Variants in STAB1 observed in about 807,000 individuals in gnomAD.
The protein encoded by STAB1 is stabilin 1.
Under a neutral mutation model 332.4 loss-of-function variants are expected in STAB1, and 250 were observed. That is an observed-to-expected ratio of 0.75 (90% CI 0.68 to 0.84). The LOEUF (loss-of-function observed/expected upper bound fraction) is 0.84, where lower values mean the gene tolerates loss of function less well. Ranked by LOEUF, STAB1 falls within the 40% of genes least tolerant of loss-of-function variation. The probability of loss-of-function intolerance (pLI) is 0.00; values close to 1 mark genes in which losing one functional copy is unlikely to be tolerated. For missense variants in STAB1, 3,249 were observed against 3,489.7 expected (o/e 0.93, Z 1.74); for synonymous variants, 1,475 against 1,390.4 (o/e 1.06, Z -1.35).
At chr3:52,498,605 T>C (rs558667040) in intron 1 of STAB1, among the ~76,000 whole-genome samples, 2 of 152,360 alleles carry the variant, frequency 1.3e-5, no homozygotes, top group Admixed American at 1.3e-4. Context: ...CATCGCTCCA[T>C]CTAGCCCTGA....
In STAB1 at chr3:52,518,934, CCAG is replaced by C; in HGVS notation, c.5034+66_5034+68del. On this transcript the variant is annotated intron_variant, in intron 48 of 68. Coordinates refer to ENST00000321725, the MANE Select transcript of STAB1 (RefSeq NM_015136.3). The stretch of plus-strand genomic sequence containing the variant: ...CGCCCCGCCCCTGCGCGCCATTGCC[CCAG>C]GCCCCACGGCCCACGCAGTCAAGAA... 9 of 1,444,716 alleles carry C rather than the reference CCAG, an allele frequency of 6.2e-6. No homozygotes were observed. In the African/African-American group the frequency reaches 8.6e-5, roughly 14 times the overall value. The allele number at this position is 1,444,716 out of a possible 1,614,324, so 89.5% of individuals were successfully genotyped here.
chr3:52,518,840 G>A lies in STAB1; in HGVS notation c.5005G>A (p.Gly1669Arg). 2 of 1,606,544 alleles carry A rather than the reference G, an allele frequency of 1.2e-6. No individual in the cohort carries two copies. The highest frequency in any genetic ancestry group is 8.5e-7 in the Non-Finnish European group (1 of 1,178,710). ...LEQGYATALS[G>R]HPLRFSEREG... ...GCAGGGGTACGCCACGGCCCTCTCA[G>A]GGCACCCACTGCGCTTCAGCGAGAG... Residue 1669 changes from glycine (G) to arginine (R), a missense_variant, in exon 48 of 69, where the codon GGG becomes AGG. Gly to Arg is a moderately radical substitution (Grantham distance 125). Transcript: ENST00000321725.
chr3:52,505,825 G>C (rs775504894), intron 15 of STAB1, 44 bp downstream of exon 15: 12 of 1,613,770 alleles, frequency 7.4e-6, no homozygotes, highest in Non-Finnish European at 1.0e-5. Flanking sequence ...GGGGCACCAG[G>C]ACCTCCACGC....
rs745811975 is a variant in STAB1, at chr3:52,520,472, TATGGCATCGACCAGCTGCTGGA to T, written c.5573_5594del (p.Tyr1858CysfsTer19). 3.1e-6 allele frequency: 5 copies of T among 1,612,660 alleles called. No homozygotes were observed. The Admixed American group carries it at 8.3e-5, about 27-fold the overall frequency. ...CTTGCCCTTTGAGGGTGGCCTGGCC[TATGGCATCGACCAGCTGCTGGA>T]GCCACCTGGCCTTGGTGCTCGCTGT... On this transcript the variant is annotated frameshift_variant, in exon 53 of 69. Coordinates refer to ENST00000321725, the MANE Select transcript of STAB1 (RefSeq NM_015136.3). LOFTEE classifies it high-confidence loss of function.
rs750814301 is a variant in STAB1 at position 52,523,932 on chromosome 3, C to T, written c.7457C>T (p.Ala2486Val). Residue 2486 changes from alanine to valine, a missense_variant, in exon 67 of 69, where the codon GCT becomes GTT. Ala to Val is a moderately conservative substitution (Grantham distance 64). Coordinates refer to ENST00000321725, the MANE Select transcript of STAB1 (RefSeq NM_015136.3). Reference protein sequence around the residue: ...VAAGVGAVLAAGALLGLVAGA... With the variant: ...VAAGVGAVLAVGALLGLVAGA... ...GCAGGCGTGGGGGCTGTGCTTGCCG[C>T]TGGAGCACTGCTTGGCTTGGTGGCC... The T allele has an allele frequency of 6.8e-6, 11 of 1,610,208 alleles. No individual in the cohort carries two copies. The highest frequency in any genetic ancestry group is 9.3e-6 in the Non-Finnish European group (11 of 1,179,936).
Position 52,517,990 on chromosome 3 carries a change from C to T in STAB1, c.4748C>T (p.Ala1583Val). Residue 1583 changes from alanine (A) to valine (V), a missense_variant, in exon 45 of 69, where the codon GCC (alanine) becomes GTC (valine). Physicochemically the swap from Ala to Val is moderately conservative, Grantham distance 64. Coordinates refer to ENST00000321725, the MANE Select transcript of STAB1 (RefSeq NM_015136.3). ...HTVGDGLTCR[A>V]RVGLELLRDK... is the part of the protein sequence containing the mutation. The stretch of plus-strand genomic sequence containing the variant: ...GTGGGGGACGGCCTCACCTGCCGTG[C>T]CCGAGTCGGCCTGGTAATGATGCCC... The T allele has an allele frequency of 6.2e-7, 1 of 1,604,202 alleles. No individual in the cohort carries two copies. Among genetic ancestry groups the T allele is most frequent in the Non-Finnish European group, 8.5e-7 (1 of 1,177,102 alleles).
rs1252729671 is a variant in STAB1, at chr3:52,521,391, G to A, written c.5939G>A (p.Ser1980Asn). 3.1e-6 allele frequency: 5 copies of A among 1,613,918 alleles called. No homozygotes were observed. Among genetic ancestry groups the A allele is most frequent in the Non-Finnish European group, 4.2e-6 (5 of 1,180,030 alleles). Residue 1980 changes from serine to asparagine, a missense_variant, in exon 56 of 69, where the codon AGT (serine) becomes AAT (asparagine). Coordinates refer to ENST00000321725, the MANE Select transcript of STAB1 (RefSeq NM_015136.3). ...CCTGGCGGCCCCAGCAGCCCTTGTAGTGACCGTGGCGTGTGCATGGACGGC... is the reference window on the plus strand; with the variant it reads ...CCTGGCGGCCCCAGCAGCCCTTGTAATGACCGTGGCGTGTGCATGGACGGC... ...ACPGGPSSPCSDRGVCMDGMS... is the reference protein window; with the variant it reads ...ACPGGPSSPCNDRGVCMDGMS...
In STAB1 at chr3:52,501,285, G is replaced by C. The variant is rs757272133; in HGVS notation, c.198G>C (p.Gln66His). ...PSGWLRELPD[Q>H]ITQDCRYEVQ... is the part of the protein sequence containing the mutation. ...GCTGGCTGCGGGAGCTCCCGGATCAGATAACCCAGGACTGCCGGTGCGGGC... is the reference window on the plus strand; with the variant it reads ...GCTGGCTGCGGGAGCTCCCGGATCACATAACCCAGGACTGCCGGTGCGGGC... The change falls in exon 2 of 69, where the codon CAG becomes CAC. Residue 66 changes from glutamine to histidine, a missense_variant. By Grantham distance (24) the Gln-to-His change is conservative. Coordinates refer to ENST00000321725, the MANE Select transcript of STAB1 (RefSeq NM_015136.3). 1 of 1,613,388 alleles carries C rather than the reference G, an allele frequency of 6.2e-7. No individual in the cohort carries two copies. Among genetic ancestry groups the C allele is most frequent in the Non-Finnish European group, 8.5e-7 (1 of 1,179,996 alleles).
chr3:52,511,629 G>A lies in STAB1; in HGVS notation c.2788-21G>A, dbSNP rs750014051. The A allele has an allele frequency of 5.1e-5, 81 of 1,595,850 alleles. No homozygotes were observed. In the Middle Eastern group the frequency reaches 6.6e-4, roughly 13 times the overall value. On this transcript the variant is annotated intron_variant, in intron 25 of 68. Transcript: ENST00000321725. ...TGGATGCTCATCATGAGACAAGGCC[G>A]TCTGTTCCTAACCTTTCCAGAGCCG... is the stretch of plus-strand genomic sequence containing the variant.
chr3:52,502,648 C>T lies in STAB1; in HGVS notation c.504C>T (p.His168=), dbSNP rs140965743. ...PDCQSVCSCV[H]GVCNHGPRGD... ...CCCTCCCAGTGTGCAGCTGTGTGCA[C>T]GGAGTGTGCAACCATGGGCCACGTG... The change falls in exon 6 of 69, where the codon CAC becomes CAT. Residue 168 remains histidine (H), a synonymous_variant. Coordinates refer to ENST00000321725, the MANE Select transcript of STAB1 (RefSeq NM_015136.3). The T allele has an allele frequency of 6.3e-3, 10,169 of 1,613,310 alleles. 74 individuals are homozygous for T. Among genetic ancestry groups the T allele is most frequent in the South Asian group, 0.025 (2,244 of 91,076 alleles).
At position 52,495,404 on chromosome 3, in the gene STAB1, C is replaced by T. The variant is rs1252436154; in HGVS notation, c.-10C>T. On this transcript the variant is annotated 5_prime_UTR_variant, in exon 1 of 69. Coordinates refer to ENST00000321725, the MANE Select transcript of STAB1 (RefSeq NM_015136.3). ...CCCCGACTCTGTCCTGGACAGCGTG[C>T]CCACCAGCCATGGCGGGGCCCCGGG... 2.2e-6 allele frequency: 3 copies of T among 1,337,478 alleles called. No homozygotes were observed. In the East Asian group the frequency reaches 8.4e-5, roughly 37 times the overall value. The allele number at this position is 1,337,478 out of a possible 1,614,324, so 82.9% of individuals were successfully genotyped here.
rs191511152 is a variant in STAB1, at chr3:52,520,187, T to C, written c.5413-17T>C. The C allele has an allele frequency of 6.2e-7, 1 of 1,613,152 alleles. No individual in the cohort carries two copies. Among genetic ancestry groups the C allele is most frequent in the Non-Finnish European group, 8.5e-7 (1 of 1,180,000 alleles). The stretch of plus-strand genomic sequence containing the variant: ...CAGCCTGCCTTTCCACCTCCAACCA[T>C]GACTCCACTTGCTCAGGCCTTGGCA... On this transcript the variant is annotated splice_polypyrimidine_tract_variant and intron_variant, in intron 51 of 68. Transcript: ENST00000321725.
rs142107813 is a variant in STAB1 at position 52,504,549 on chromosome 3, T to C, written c.1239T>C (p.Asn413=). The change falls in exon 11 of 69, where the codon AAT becomes AAC. Residue 413 remains asparagine, a splice_region_variant and synonymous_variant. Transcript: ENST00000321725. The stretch of plus-strand genomic sequence containing the variant: ...CCTCCTTCTCCTCCAGGACCATGAA[T>C]GTAAGCCCCTCCCCATGGTGGAGCT... ...SVSSFSSRTM[N]ASLAQQLCRQ... is the part of the protein sequence containing the mutation. The C allele has an allele frequency of 5.0e-6, 8 of 1,613,962 alleles. No individual in the cohort carries two copies. In the African/African-American group the frequency reaches 8.0e-5, roughly 16 times the overall value.
intron 1 of STAB1, 122 bp from the exon 2 acceptor site, chr3:52,501,044 T>C (rs1708406584): frequency 7.1e-7 from 1 of 1,401,038 alleles, no homozygotes; most frequent in African/African-American, 1.4e-5. Flanking sequence ...CTCTGCTTAC[T>C]CTGACCCCTG....
At chr3:52,515,611 G>A in intron 37 of STAB1, 105 bp downstream of exon 37, 1 of 1,235,786 alleles carries the variant, frequency 8.1e-7, no homozygotes, top group Non-Finnish European at 1.2e-6. Context: ...CAGAGACTGG[G>A]CTGGGACTAG....
intron 1 of STAB1, among the ~76,000 whole-genome samples, chr3:52,498,875 C>T (rs1708234565): frequency 6.6e-6 from 1 of 152,350 alleles, no homozygotes; most frequent in South Asian, 2.1e-4. Flanking sequence ...GGGAACGAGA[C>T]CACAACATCC....
Position 52,505,676 on chromosome 3 carries a change from G to A in STAB1, c.1590G>A (p.Gly530=), listed in dbSNP as rs766219336. 1.2e-6 allele frequency: 2 copies of A among 1,613,438 alleles called. No homozygotes were observed. The highest frequency in any genetic ancestry group is 1.7e-6 in the Non-Finnish European group (2 of 1,180,014). Residue 530 remains glycine (G), a synonymous_variant, in exon 15 of 69, where the codon GGG becomes GGA. Transcript: ENST00000321725. ...SRFETILENC[G]LPSILDGPGP... is the part of the protein sequence containing the mutation. Reference sequence around the variant, plus strand: ...CCCTTGCACCACCACAGAACTGTGGGCTGCCCTCCATCCTGGACGGACCTG... The same window carrying A: ...CCCTTGCACCACCACAGAACTGTGGACTGCCCTCCATCCTGGACGGACCTG...
rs764892649 is a variant in STAB1, at chr3:52,516,257, C to CG, written c.4144+24dup. The CG allele has an allele frequency of 3.9e-5, 32 of 826,938 alleles. No individual in the cohort carries two copies. The African/African-American group carries it at 4.9e-4, about 13-fold the overall frequency. 51.2% of individuals were successfully genotyped at this position (826,938 alleles called of 1,614,324 possible). A position where few individuals can be genotyped will look rare whatever the true frequency, so the allele number is the denominator to read the frequency against. ...ACCGGAGGTGAGGACTGGGGAGGGG[C>CG]GGGGGTGGGCCTCCTGGCAGCAGAG... On this transcript the variant is annotated intron_variant, in intron 38 of 68. Transcript: ENST00000321725.
chr3:52,508,848 AATAATAG>A (rs1050880627), intron 21 of STAB1, among the ~76,000 whole-genome samples: 9 of 151,978 alleles, frequency 5.9e-5, no homozygotes, highest in South Asian at 2.1e-4. Flanking sequence ...TAATAATAAT[AATAATAG>A]ATAGATAGAT....
Sources: gnomAD v4.1 joint callset for allele counts (sites outside exome capture counted in the v4.1 genomes callset) on GRCh38, gnomAD v4.1.1 for gene constraint, MANE v1.5 for transcripts, NCBI Gene and HGNC (gene_info 2026-07-23, HGNC 2026-07-21) for gene names.